The following MOB1B variants were observed in gnomAD, a reference collection of about 807,000 sequenced individuals.
MOB1B encodes MOB1 Mps One Binder homolog B.
MOB1B carries 19 observed loss-of-function variants against 24.4 expected under a neutral mutation model. The observed-to-expected ratio is 0.78, with a 90% CI of 0.54 to 1.14. The LOEUF (loss-of-function observed/expected upper bound fraction) is 1.14, where lower values mean the gene tolerates loss of function less well. Among genes scored for constraint, MOB1B ranks in the 50% most tolerant of loss-of-function variants. The probability of loss-of-function intolerance (pLI) is 0.00; values close to 1 mark genes in which losing one functional copy is unlikely to be tolerated. For synonymous variants in MOB1B, 76 were observed against 82.1 expected (o/e 0.93, Z 0.40); for missense variants, 243 against 259.6 (o/e 0.94, Z 0.44).
chr4:70,913,259 GGTATGTATGTATGTAT>G (rs58774039), intron 1 of MOB1B, among the ~76,000 whole-genome samples: 48 of 150,024 alleles, frequency 3.2e-4, no homozygotes, highest in African/African-American at 8.1e-4. Context: ...CGTTTGTATG[GGTATGTATGTATGTAT>G]GTATGTATGT....
At chr4:70,909,517 T>TA (rs201749220) in intron 1 of MOB1B, among the ~76,000 whole-genome samples, 67 of 150,896 alleles carry the variant, frequency 4.4e-4, no homozygotes, top group Non-Finnish European at 8.1e-4. Context: ...AAGAAAACAT[T>TA]AAAAAAAAAT....
chr4:70,943,463 C>G (rs1343199782), intron 1 of MOB1B, among the ~76,000 whole-genome samples: 2 of 152,104 alleles, frequency 1.3e-5, no homozygotes, highest in African/African-American at 2.4e-5. Flanking sequence ...ACTTACCCCA[C>G]AATGATGAAT....
At chr4:70,911,711 A>G (rs907561400) in intron 1 of MOB1B, among the ~76,000 whole-genome samples, 2 of 152,314 alleles carry the variant, frequency 1.3e-5, no homozygotes, top group Middle Eastern at 6.8e-3. Context: ...TGTCTAATAC[A>G]TGTAGCACTT....
chr4:70,980,609 C>T (rs1739173383), intron 5 of MOB1B, among the ~76,000 whole-genome samples: 1 of 152,158 alleles, frequency 6.6e-6, no homozygotes, highest in African/African-American at 2.4e-5. Context: ...TGCTCTGGTC[C>T]TTCTGCTGCC....
intron 4 of MOB1B, chr4:70,975,661 A>C (rs1349578728): frequency 3.1e-6 from 3 of 956,518 alleles, no homozygotes; most frequent in Non-Finnish European, 2.5e-6. Flanking sequence ...CACTTTAAAA[A>C]AATTATGATC....
At chr4:70,973,693 C>G (rs887288468) in intron 3 of MOB1B, among the ~76,000 whole-genome samples, 3 of 152,060 alleles carry the variant, frequency 2.0e-5, no homozygotes, top group African/African-American at 4.8e-5. Context: ...AGTGACTAAA[C>G]AGTAAAAACA....
intron 1 of MOB1B, among the ~76,000 whole-genome samples, chr4:70,951,158 G>A (rs887596694): frequency 1.3e-5 from 2 of 151,924 alleles, no homozygotes. Flanking sequence ...AAAAAATAGG[G>A]GTAATACAAC....
At chr4:70,945,919 C>T (rs780722913) in intron 1 of MOB1B, among the ~76,000 whole-genome samples, 1 of 151,276 alleles carries the variant, frequency 6.6e-6, no homozygotes, top group East Asian at 1.9e-4. Context: ...GTAGGCGCTA[C>T]CTGATTTTAA....
intron 1 of MOB1B, among the ~76,000 whole-genome samples, chr4:70,946,767 A>G (rs1737599281): frequency 6.6e-6 from 1 of 152,078 alleles, no homozygotes; most frequent in Non-Finnish European, 1.5e-5. Flanking sequence ...GCTTTTTCCA[A>G]AGAGGGTTTT....
intron 1 of MOB1B, among the ~76,000 whole-genome samples, chr4:70,915,093 A>G (rs899809161): frequency 6.6e-6 from 1 of 152,242 alleles, no homozygotes; most frequent in East Asian, 1.9e-4. Flanking sequence ...TATCTTAACA[A>G]TGATGATTGC....
chr4:70,923,940 C>CAAAAA (rs34422316), intron 1 of MOB1B, among the ~76,000 whole-genome samples: 1 of 54,258 alleles, frequency 1.8e-5, no homozygotes, highest in African/African-American at 4.8e-5. Context: ...GAGTGAGACT[C>CAAAAA]AAAAAAAAAA....
intron 2 of MOB1B, among the ~76,000 whole-genome samples, chr4:70,959,807 G>C (rs563419794): frequency 5.9e-5 from 9 of 152,284 alleles, no homozygotes; most frequent in African/African-American, 2.2e-4. Flanking sequence ...GAATTTCAGA[G>C]TCTATAGAGT....
chr4:70,945,502 A>T (rs147623540), intron 1 of MOB1B, among the ~76,000 whole-genome samples: 3 of 152,348 alleles, frequency 2.0e-5, no homozygotes, highest in East Asian at 3.9e-4. Flanking sequence ...CATACTCTGT[A>T]CTATGCTACT....
chr4:70,961,458 C>G lies in MOB1B; in HGVS notation c.181+2418C>G, dbSNP rs77691561. Among the ~76,000 whole-genome samples the G allele has an allele frequency of 4.8e-3, 724 of 152,224 alleles. 9 individuals are homozygous for G. Among genetic ancestry groups the G allele is most frequent in the African/African-American group, 0.017 (689 of 41,556 alleles). On this transcript the variant is annotated intron_variant, in intron 2 of 5. Coordinates refer to ENST00000309395, the MANE Select transcript of MOB1B (RefSeq NM_173468.4). ...ATATATTGTTTATTTCTGAAATTTT[C>G]CATTTAATATTTTCAGCCCATGGTT...
In MOB1B at chr4:70,924,258, A is replaced by T. The variant is rs141452497; in HGVS notation, c.14+21708A>T. Among the ~76,000 whole-genome samples the T allele has an allele frequency of 7.0e-4, 107 of 152,256 alleles. 1 individual carries two copies. In the East Asian group the frequency reaches 0.019, roughly 27 times the overall value. On this transcript the variant is annotated intron_variant, in intron 1 of 5. Transcript: ENST00000309395. ...ACATATGCCTGGTTGCATTCTCACTAACCCTTCTCCATACCTGCCAAATAT... is the reference window on the plus strand; with the variant it reads ...ACATATGCCTGGTTGCATTCTCACTTACCCTTCTCCATACCTGCCAAATAT...
intron 1 of MOB1B, among the ~76,000 whole-genome samples, chr4:70,927,563 T>C (rs913909362): frequency 6.6e-6 from 1 of 152,036 alleles, no homozygotes; most frequent in African/African-American, 2.4e-5. Context: ...TTGCCGTCAA[T>C]ACCACAGTTA....
intron 1 of MOB1B, among the ~76,000 whole-genome samples, chr4:70,918,939 A>T (rs1185437699): frequency 1.3e-5 from 2 of 152,224 alleles, no homozygotes; most frequent in African/African-American, 4.8e-5. Flanking sequence ...CTGGATTAAG[A>T]AAATGTGGCA....
At chr4:70,976,485 T>C in intron 4 of MOB1B, 1 of 985,378 alleles carries the variant, frequency 1.0e-6, no homozygotes, top group Non-Finnish European at 1.2e-6. Flanking sequence ...GTATTTACTT[T>C]TAAGGGCAGA....
intron 1 of MOB1B, among the ~76,000 whole-genome samples, chr4:70,903,974 CTTTTTT>C (rs754257097): frequency 4.4e-4 from 36 of 81,020 alleles, no homozygotes; most frequent in African/African-American, 1.9e-3. Context: ...TATTTTAGTT[CTTTTTT>C]TTTTTTTTTT....
Sources: gnomAD v4.1 joint callset for allele counts (sites outside exome capture counted in the v4.1 genomes callset) on GRCh38, gnomAD v4.1.1 for gene constraint, MANE v1.5 for transcripts, NCBI Gene and HGNC (gene_info 2026-07-23, HGNC 2026-07-21) for gene names.